The following RPS11 variants were observed in gnomAD, a reference collection of about 807,000 sequenced individuals.
The protein encoded by RPS11 is small ribosomal subunit protein uS17.
For missense variants in RPS11, 127 were observed against 211.4 expected, an observed-to-expected ratio of 0.60 and a Z score of 2.48; for synonymous variants, 107 against 78.0, an observed-to-expected ratio of 1.37 and a Z score of -1.96.
At position 49,496,439 on chromosome 19, in the gene RPS11, T is replaced by C. The variant is rs754064066; in HGVS notation, c.-18T>C. 8.1e-6 allele frequency: 13 copies of C among 1,612,302 alleles called. No homozygotes were observed. Among genetic ancestry groups the C allele is most frequent in the East Asian group, 2.2e-5 (1 of 44,580 alleles). On this transcript the variant is annotated 5_prime_UTR_variant, in exon 1 of 5. Transcript: ENST00000270625. ...CCGGACGCTGCTGCCCCTTTCTTTT[T>C]TTCAGGCGGCCGGGAAGATGGCGGA...
At chr19:49,497,841 G>T (rs1227814604) in intron 3 of RPS11, 76 bp from the exon 4 acceptor site, 1 of 1,597,230 alleles carries the variant, frequency 6.3e-7, no homozygotes, top group East Asian at 2.2e-5. Flanking sequence ...AGCTGCTTCT[G>T]AGTCCCAGCA....
At chr19:49,496,572 C>T in intron 1 of RPS11, 101 bp downstream of exon 1, 1 of 1,251,178 alleles carries the variant, frequency 8.0e-7, no homozygotes, top group East Asian at 2.5e-5. Context: ...GGGGTTAATT[C>T]CGGGCGTCCG....
At chr19:49,499,067 G>A (rs540787822) in intron 4 of RPS11, among the ~76,000 whole-genome samples, 7 of 152,212 alleles carry the variant, frequency 4.6e-5, no homozygotes, top group Non-Finnish European at 1.0e-4. Context: ...GATGTGGGCA[G>A]CTGATATTGG....
In RPS11 at chr19:49,497,185, A is replaced by G. The variant is rs557956254; in HGVS notation, c.16-9A>G. ...AGCAGCTCATCAGTTTTCTCCTCAT[A>G]ATCTGTAGACTGAGCGTGCCTACCA... On this transcript the variant is annotated splice_polypyrimidine_tract_variant and intron_variant, in intron 1 of 4. Transcript: ENST00000270625. The G allele has an allele frequency of 1.1e-5, 17 of 1,590,092 alleles. No homozygotes were observed. Among genetic ancestry groups the G allele is most frequent in the South Asian group, 8.8e-5 (8 of 90,966 alleles).
intron 4 of RPS11, among the ~76,000 whole-genome samples, chr19:49,498,507 TGTAG>T (rs765587640): frequency 4.6e-5 from 7 of 152,188 alleles, no homozygotes; most frequent in Non-Finnish European, 8.8e-5. Flanking sequence ...ATCCCAGCAC[TGTAG>T]GAGGCTGAGG....
intron 4 of RPS11, among the ~76,000 whole-genome samples, chr19:49,498,446 G>A (rs1327957334): frequency 6.6e-6 from 1 of 152,178 alleles, no homozygotes; most frequent in East Asian, 1.9e-4. Context: ...GTGTCACGCT[G>A]GTATTGAAGA....
chr19:49,496,534 G>C (rs758522800), intron 1 of RPS11, 63 bp downstream of exon 1: 4 of 1,528,234 alleles, frequency 2.6e-6, no homozygotes, highest in Non-Finnish European at 3.5e-6. Context: ...GGCGCGTCCG[G>C]GAGGGCAGAG....
intron 3 of RPS11, 62 bp downstream of exon 3, chr19:49,497,657 A>C (rs2079913554): frequency 6.7e-7 from 1 of 1,491,088 alleles, no homozygotes; most frequent in Non-Finnish European, 9.4e-7. Context: ...CTTGGGGCCC[A>C]GACTCCTGGG....
chr19:49,499,666 A>T lies in RPS11; in HGVS notation c.*31A>T. The T allele has an allele frequency of 6.2e-7, 1 of 1,604,326 alleles. No homozygotes were observed. Among genetic ancestry groups the T allele is most frequent in the Non-Finnish European group, 8.5e-7 (1 of 1,173,414 alleles). ...GACATCGGCCCGCTCCCCACAATGA[A>T]ATAAAGTTATTTTCTCATTCCCAGG... On this transcript the variant is annotated 3_prime_UTR_variant, in exon 5 of 5. Coordinates refer to ENST00000270625, the MANE Select transcript of RPS11 (RefSeq NM_001015.5).
At position 49,496,440 on chromosome 19, in the gene RPS11, T is replaced by C. The variant is rs757335303; in HGVS notation, c.-17T>C. The C allele has an allele frequency of 3.1e-6, 5 of 1,612,298 alleles. No homozygotes were observed. In the South Asian group the frequency reaches 5.5e-5, roughly 18 times the overall value. On this transcript the variant is annotated 5_prime_UTR_variant, in exon 1 of 5. Coordinates refer to ENST00000270625, the MANE Select transcript of RPS11 (RefSeq NM_001015.5). Reference sequence around the variant, plus strand: ...CGGACGCTGCTGCCCCTTTCTTTTTTTCAGGCGGCCGGGAAGATGGCGGAC... The same window carrying C: ...CGGACGCTGCTGCCCCTTTCTTTTTCTCAGGCGGCCGGGAAGATGGCGGAC...
At chr19:49,497,893 C>G (rs1363180713) in intron 3 of RPS11, 24 bp from the exon 4 acceptor site, 3 of 1,614,072 alleles carry the variant, frequency 1.9e-6, no homozygotes, top group Non-Finnish European at 2.5e-6. Flanking sequence ...TGGGACCTGA[C>G]CTATGATCGG....
intron 1 of RPS11, 101 bp downstream of exon 1, chr19:49,496,572 C>G (rs2079907363): frequency 3.2e-6 from 4 of 1,251,060 alleles, no homozygotes; most frequent in African/African-American, 1.5e-5. Context: ...GGGGTTAATT[C>G]CGGGCGTCCG....
At chr19:49,498,735 G>C (rs141187837) in intron 4 of RPS11, among the ~76,000 whole-genome samples, 1 of 152,180 alleles carries the variant, frequency 6.6e-6, no homozygotes, top group Non-Finnish European at 1.5e-5. Flanking sequence ...GGGCGACAGA[G>C]TAAGACCCTG....
chr19:49,499,262 G>C (rs2079922706), intron 4 of RPS11, among the ~76,000 whole-genome samples: 1 of 152,186 alleles, frequency 6.6e-6, no homozygotes, highest in Admixed American at 6.5e-5. Context: ...CAGTTTGCTT[G>C]TGAAATGGAG....
At chr19:49,499,026 C>A (rs528779157) in intron 4 of RPS11, among the ~76,000 whole-genome samples, 1 of 152,236 alleles carries the variant, frequency 6.6e-6, no homozygotes, top group South Asian at 2.1e-4. Flanking sequence ...AGTGTGGGTG[C>A]CAGATGACAG....
chr19:49,498,104 A>G, intron 4 of RPS11, 58 bp downstream of exon 4: 1 of 1,601,796 alleles, frequency 6.2e-7, no homozygotes. Context: ...TTCAGATTCC[A>G]GATCGGACCA....
chr19:49,498,209 A>G, intron 4 of RPS11, 163 bp downstream of exon 4: 1 of 743,104 alleles, frequency 1.3e-6, no homozygotes, highest in Non-Finnish European at 2.2e-6. Context: ...TTCAGAATCA[A>G]AGCGTTCTAC....
intron 2 of RPS11, 52 bp from the exon 3 acceptor site, chr19:49,497,468 T>G: frequency 6.2e-7 from 1 of 1,606,580 alleles, no homozygotes; most frequent in Admixed American, 1.7e-5. Flanking sequence ...CCTGGCTCTT[T>G]TAAGGAACCG....
chr19:49,497,445 C>T, intron 2 of RPS11, 75 bp from the exon 3 acceptor site: 1 of 1,593,570 alleles, frequency 6.3e-7, no homozygotes, highest in Non-Finnish European at 8.6e-7. Context: ...AGTTGCTTCC[C>T]TGAGGCCACG....
Sources: allele counts gnomAD v4.1 joint callset (sites outside exome capture counted in the v4.1 genomes callset), GRCh38; gene constraint gnomAD v4.1.1; transcripts MANE v1.5; gene names NCBI Gene and HGNC (gene_info 2026-07-23, HGNC 2026-07-21).